Variants in AKAP6 observed in about 807,000 individuals in gnomAD.
AKAP6 encodes the protein A-kinase anchor protein 6.
A neutral mutation model predicts 188.5 loss-of-function variants in AKAP6; 58 were observed. That is an observed-to-expected ratio of 0.31 (90% CI 0.25 to 0.38). AKAP6 has a LOEUF of 0.38. Ranked by LOEUF, AKAP6 falls within the 10% of genes least tolerant of loss-of-function variation. The pLI is 1.00. For synonymous variants in AKAP6, 989 were observed against 998.6 expected (o/e 0.99, Z 0.18); for missense variants, 2,710 against 2,740.0 (o/e 0.99, Z 0.24).
intron 8 of AKAP6, among the ~76,000 whole-genome samples, chr14:32,682,461 T>C (rs1188161634): frequency 6.6e-6 from 1 of 152,212 alleles, no homozygotes; most frequent in East Asian, 1.9e-4. Context: ...TGGCAAGTGC[T>C]AGGTACCCAG....
intron 1 of AKAP6, among the ~76,000 whole-genome samples, chr14:32,419,392 C>T (rs1594595037): frequency 6.6e-6 from 1 of 152,116 alleles, no homozygotes; most frequent in East Asian, 1.9e-4. Context: ...AAATCGTGCT[C>T]TTTATGAAAG....
chr14:32,778,711 A>AAT (rs1410307601), intron 12 of AKAP6, among the ~76,000 whole-genome samples: 1 of 135,920 alleles, frequency 7.4e-6, no homozygotes, highest in Non-Finnish European at 1.5e-5. Flanking sequence ...ATACCCAGCA[A>AAT]TTTTTTTTTT....
intron 7 of AKAP6, among the ~76,000 whole-genome samples, chr14:32,670,843 A>G (rs759948412): frequency 6.6e-5 from 10 of 152,204 alleles, no homozygotes; most frequent in African/African-American, 9.7e-5. Flanking sequence ...AATTTTTAAA[A>G]TGAAGCTGAG....
intron 9 of AKAP6, among the ~76,000 whole-genome samples, chr14:32,700,305 C>T (rs573249208): frequency 2.6e-5 from 4 of 152,134 alleles, no homozygotes; most frequent in East Asian, 3.9e-4. Flanking sequence ...CCTAGTGATC[C>T]GAAGTTGGTC....
At chr14:32,809,214 A>G (rs758894972) in intron 12 of AKAP6, among the ~76,000 whole-genome samples, 2 of 152,232 alleles carry the variant, frequency 1.3e-5, no homozygotes, top group Non-Finnish European at 2.9e-5. Context: ...AACAGCTAGA[A>G]GTTTAAGGGG....
intron 2 of AKAP6, among the ~76,000 whole-genome samples, chr14:32,480,397 AAAC>A (rs1879279905): frequency 6.6e-6 from 1 of 152,216 alleles, no homozygotes; most frequent in Non-Finnish European, 1.5e-5. Flanking sequence ...CTAATGATTG[AAAC>A]AATAGTACAG....
At chr14:32,806,533 C>T (rs1329380512) in intron 12 of AKAP6, among the ~76,000 whole-genome samples, 1 of 151,932 alleles carries the variant, frequency 6.6e-6, no homozygotes, top group Non-Finnish European at 1.5e-5. Context: ...AAAAATTAAC[C>T]AGGGGCGCTG....
chr14:32,386,802 C>T (rs1888548839), intron 1 of AKAP6, among the ~76,000 whole-genome samples: 1 of 152,084 alleles, frequency 6.6e-6, no homozygotes, highest in Admixed American at 6.6e-5. Flanking sequence ...AGATGAGGAT[C>T]CAGTTTCATT....
At chr14:32,624,913 CAT>C (rs1355590906) in intron 7 of AKAP6, among the ~76,000 whole-genome samples, 1 of 151,938 alleles carries the variant, frequency 6.6e-6, no homozygotes, top group East Asian at 1.9e-4. Context: ...GAATAATAAA[CAT>C]ATATTTATGA....
At chr14:32,562,782 G>A (rs768042394) in intron 4 of AKAP6, among the ~76,000 whole-genome samples, 1 of 152,104 alleles carries the variant, frequency 6.6e-6, no homozygotes, top group African/African-American at 2.4e-5. Context: ...TAGGTAGATA[G>A]ATAAATAAAT....
chr14:32,667,042 T>A (rs1411669513), intron 7 of AKAP6, among the ~76,000 whole-genome samples: 1 of 152,156 alleles, frequency 6.6e-6, no homozygotes, highest in Non-Finnish European at 1.5e-5. Flanking sequence ...TGATATTTTC[T>A]TGTTATTTTT....
intron 2 of AKAP6, among the ~76,000 whole-genome samples, chr14:32,469,766 T>G (rs1027788975): frequency 4.6e-5 from 7 of 151,448 alleles, no homozygotes; most frequent in African/African-American, 1.5e-4. Context: ...GACATGCTGC[T>G]CGGAGATGTT....
intron 5 of AKAP6, among the ~76,000 whole-genome samples, chr14:32,584,007 C>T (rs61699048): frequency 0.24 from 36,684 of 152,138 alleles, 4,866 homozygotes; most frequent in East Asian, 0.58. Flanking sequence ...CTGTCTGGCA[C>T]TCCCTAGTGA....
intron 7 of AKAP6, among the ~76,000 whole-genome samples, chr14:32,604,138 G>C (rs1464752986): frequency 6.6e-6 from 1 of 152,098 alleles, no homozygotes; most frequent in African/African-American, 2.4e-5. Context: ...AGTCACATCA[G>C]CTTACCAAGA....
chr14:32,478,706 T>C (rs1298211336), intron 2 of AKAP6, among the ~76,000 whole-genome samples: 3 of 152,114 alleles, frequency 2.0e-5, no homozygotes, highest in African/African-American at 7.2e-5. Flanking sequence ...ATAAACTACA[T>C]TGTGATGACT....
chr14:32,753,635 TA>T (rs2032222894), intron 11 of AKAP6, among the ~76,000 whole-genome samples: 1 of 152,180 alleles, frequency 6.6e-6, no homozygotes, highest in Admixed American at 6.5e-5. Flanking sequence ...GGGGAAAGTT[TA>T]TAGCAATTTT....
chr14:32,741,421 C>T (rs1489051081), intron 11 of AKAP6, among the ~76,000 whole-genome samples: 1 of 151,962 alleles, frequency 6.6e-6, no homozygotes, highest in Non-Finnish European at 1.5e-5. Context: ...TGAAAGTGGA[C>T]ATTCTTGCCA....
At chr14:32,676,036 A>G (rs1251445315) in intron 7 of AKAP6, among the ~76,000 whole-genome samples, 1 of 152,154 alleles carries the variant, frequency 6.6e-6, no homozygotes, top group Non-Finnish European at 1.5e-5. Context: ...CAAGCTTGTG[A>G]CTTAGGATGG....
intron 7 of AKAP6, among the ~76,000 whole-genome samples, chr14:32,619,784 T>G (rs1236952477): frequency 6.6e-6 from 1 of 152,226 alleles, no homozygotes; most frequent in Non-Finnish European, 1.5e-5. Flanking sequence ...TTCACAATAT[T>G]GATTCTTCCA....
Sources: gnomAD v4.1 joint callset for allele counts (sites outside exome capture counted in the v4.1 genomes callset) on GRCh38, gnomAD v4.1.1 for gene constraint, MANE v1.5 for transcripts, NCBI Gene and HGNC (gene_info 2026-07-23, HGNC 2026-07-21) for gene names.